SORCS3: variants seen among roughly 807,000 people sequenced by gnomAD.
SORCS3 encodes sortilin related VPS10 domain containing receptor 3, also known as VPS10 domain-containing receptor SorCS3.
Under a neutral mutation model 146.3 loss-of-function variants are expected in SORCS3, and 57 were observed. The ratio of observed to expected loss-of-function variants is 0.39; its 90% CI spans 0.31 to 0.49. The LOEUF (loss-of-function observed/expected upper bound fraction) is 0.49. SORCS3 is among the 20% of genes least tolerant of loss of function. The pLI, the probability that SORCS3 is intolerant of heterozygous loss-of-function variation, is 0.92. For missense variants in SORCS3, 1,341 were observed against 1,575.5 expected, an observed-to-expected ratio of 0.85 and a Z score of 2.52; for synonymous variants, 653 against 618.5, an observed-to-expected ratio of 1.06 and a Z score of -0.83.
intron 1 of SORCS3, among the ~76,000 whole-genome samples, chr10:104,730,092 A>T (rs1316523272): frequency 6.6e-6 from 1 of 152,228 alleles, no homozygotes; most frequent in African/African-American, 2.4e-5. Context: ...AATGAACAAG[A>T]TTCTAAGAGT....
intron 3 of SORCS3, among the ~76,000 whole-genome samples, chr10:104,964,053 C>T (rs1456686897): frequency 1.3e-5 from 2 of 152,140 alleles, no homozygotes; most frequent in African/African-American, 2.4e-5. Context: ...CTGATCATTA[C>T]AGAACCTCTC....
At chr10:105,214,214 A>T (rs1452180203) in intron 17 of SORCS3, among the ~76,000 whole-genome samples, 1 of 152,160 alleles carries the variant, frequency 6.6e-6, no homozygotes, top group Non-Finnish European at 1.5e-5. Flanking sequence ...ATCAATAATA[A>T]CGTTTAAGGA....
intron 2 of SORCS3, among the ~76,000 whole-genome samples, chr10:104,855,544 A>G (rs917951891): frequency 6.6e-6 from 1 of 152,204 alleles, no homozygotes; most frequent in African/African-American, 2.4e-5. Flanking sequence ...TGTTAAGTGT[A>G]CACTTATTTA....
intron 1 of SORCS3, among the ~76,000 whole-genome samples, chr10:104,801,068 G>A (rs2017618482): frequency 6.6e-6 from 1 of 152,144 alleles, no homozygotes. Context: ...ACTTTTTCTA[G>A]CATAGACAGG....
At chr10:105,096,103 TACACACACAC>T (rs60438282) in intron 6 of SORCS3, among the ~76,000 whole-genome samples, 44 of 145,320 alleles carry the variant, frequency 3.0e-4, no homozygotes, top group African/African-American at 1.1e-3. Flanking sequence ...ACCTCACAAA[TACACACACAC>T]ACACACACAC....
chr10:104,973,891 T>A (rs1370869005), intron 3 of SORCS3, among the ~76,000 whole-genome samples: 1 of 151,654 alleles, frequency 6.6e-6, no homozygotes, highest in Non-Finnish European at 1.5e-5. Flanking sequence ...TTCTGGTATG[T>A]TGTGTCTTTG....
chr10:105,024,165 G>A (rs1293106879), intron 4 of SORCS3, among the ~76,000 whole-genome samples: 1 of 152,188 alleles, frequency 6.6e-6, no homozygotes, highest in African/African-American at 2.4e-5. Context: ...GGCATCTGTA[G>A]CTATGTGTTC....
intron 7 of SORCS3, among the ~76,000 whole-genome samples, chr10:105,135,977 C>T (rs558029631): frequency 5.9e-5 from 9 of 152,264 alleles, no homozygotes; most frequent in South Asian, 4.2e-4. Flanking sequence ...GCCCTTAATG[C>T]GCTGTTTAAT....
chr10:105,101,888 T>A (rs1438506273), intron 6 of SORCS3, among the ~76,000 whole-genome samples: 1 of 152,084 alleles, frequency 6.6e-6, no homozygotes, highest in Non-Finnish European at 1.5e-5. Context: ...TTACTGCAGG[T>A]TTTCATTGTT....
chr10:105,071,790 T>C (rs1007333815), intron 5 of SORCS3, among the ~76,000 whole-genome samples: 1 of 152,212 alleles, frequency 6.6e-6, no homozygotes, highest in African/African-American at 2.4e-5. Flanking sequence ...TATTTTTTTG[T>C]ACCCACAAAG....
At chr10:105,125,069 G>A (rs1168825319) in intron 7 of SORCS3, among the ~76,000 whole-genome samples, 2 of 152,052 alleles carry the variant, frequency 1.3e-5, no homozygotes, top group African/African-American at 4.8e-5. Flanking sequence ...GTCTACGGAC[G>A]GGGTCAGGAA....
chr10:105,025,053 A>T (rs983871765), intron 4 of SORCS3, among the ~76,000 whole-genome samples: 1 of 152,164 alleles, frequency 6.6e-6, no homozygotes, highest in Non-Finnish European at 1.5e-5. Flanking sequence ...TTTCCATTTC[A>T]TCTCTGCCGG....
Position 105,015,181 on chromosome 10 carries a change from G to C in SORCS3, c.955-27874G>C, listed in dbSNP as rs530738464. 7.9e-4 allele frequency among the ~76,000 whole-genome samples: 121 copies of C among 152,308 alleles called. 1 individual carries two copies. The South Asian group carries it at 0.015, about 19-fold the overall frequency. On this transcript the variant is annotated intron_variant, in intron 4 of 26. Coordinates refer to ENST00000369701, the MANE Select transcript of SORCS3 (RefSeq NM_014978.3). ...GAACCCTAGTATGTCCTGGGTAGCA[G>C]TGTAGATTTGAACAACTACTTTGGA...
At chr10:105,128,832 G>C (rs1196889355) in intron 7 of SORCS3, among the ~76,000 whole-genome samples, 1 of 152,106 alleles carries the variant, frequency 6.6e-6, no homozygotes, top group Non-Finnish European at 1.5e-5. Context: ...TCTAATCATT[G>C]TGTTTGTAGA....
chr10:105,092,432 G>T (rs1004688459), intron 6 of SORCS3, among the ~76,000 whole-genome samples: 15 of 151,806 alleles, frequency 9.9e-5, no homozygotes, highest in Admixed American at 6.6e-5. Flanking sequence ...ATTTTTAATA[G>T]CTAAAATAAT....
chr10:105,187,839 TAGTC>T (rs1330210163), intron 14 of SORCS3, among the ~76,000 whole-genome samples: 2 of 152,296 alleles, frequency 1.3e-5, no homozygotes, highest in African/African-American at 4.8e-5. Context: ...ATAAACAAAA[TAGTC>T]AGGGTCACTG....
At chr10:105,202,189 T>C (rs2056578487) in intron 16 of SORCS3, among the ~76,000 whole-genome samples, 1 of 152,170 alleles carries the variant, frequency 6.6e-6, no homozygotes, top group Non-Finnish European at 1.5e-5. Flanking sequence ...CCATATCTTA[T>C]CACTACTACA....
intron 7 of SORCS3, among the ~76,000 whole-genome samples, chr10:105,135,420 C>T (rs976878758): frequency 1.3e-5 from 2 of 152,134 alleles, no homozygotes; most frequent in Non-Finnish European, 2.9e-5. Flanking sequence ...CCTTCTGGGC[C>T]ATTGTTTCAT....
chr10:104,668,005 C>T (rs970932128), intron 1 of SORCS3, among the ~76,000 whole-genome samples: 3 of 152,138 alleles, frequency 2.0e-5, no homozygotes, highest in African/African-American at 7.2e-5. Flanking sequence ...GAGTGTTTGC[C>T]ACTTGAGTTC....
Sources: allele counts gnomAD v4.1 joint callset (sites outside exome capture counted in the v4.1 genomes callset), GRCh38; gene constraint gnomAD v4.1.1; transcripts MANE v1.5; gene names NCBI Gene and HGNC (gene_info 2026-07-23, HGNC 2026-07-21).